The following TP63 variants were observed in gnomAD, a reference collection of about 807,000 sequenced individuals.
TP63 encodes tumor protein p63.
Under a neutral mutation model 82.8 loss-of-function variants are expected in TP63, and 17 were observed. That is an observed-to-expected ratio of 0.21 (90% CI 0.14 to 0.31). The LOEUF (loss-of-function observed/expected upper bound fraction) is 0.31, where lower values mean the gene tolerates loss of function less well. Among genes scored for constraint, TP63 ranks in the 10% least tolerant of loss-of-function variants. The pLI is 1.00. For missense variants in TP63, 648 were observed against 895.3 expected (o/e 0.72, Z 3.52); for synonymous variants, 330 against 321.7 (o/e 1.03, Z -0.28).
At chr3:189,691,999 A>C (rs1488018583) in intron 1 of TP63, among the ~76,000 whole-genome samples, 1 of 152,168 alleles carries the variant, frequency 6.6e-6, no homozygotes, top group Non-Finnish European at 1.5e-5. Context: ...TTTCTTTCTG[A>C]CACAATTCAA....
chr3:189,799,320 C>A (rs2108615311), intron 3 of TP63, among the ~76,000 whole-genome samples: 1 of 152,076 alleles, frequency 6.6e-6, no homozygotes. Context: ...AGGGAGGGAC[C>A]AATTTTGTGG....
chr3:189,848,964 A>G (rs749668288), intron 4 of TP63, among the ~76,000 whole-genome samples: 4 of 151,940 alleles, frequency 2.6e-5, no homozygotes, highest in Non-Finnish European at 5.9e-5. Context: ...AGTCAGCCCC[A>G]CCCCCCAGCC....
In TP63 at chr3:189,896,319, C is replaced by T. The variant is rs756328490; in HGVS notation, c.*1817C>T. The T allele has an allele frequency of 9.4e-6, 2 of 212,988 alleles. No individual in the cohort carries two copies. The highest frequency in any genetic ancestry group is 1.9e-5 in the Non-Finnish European group (2 of 105,350). The allele number at this position is 212,988 out of a possible 1,614,324, so 13.2% of individuals were successfully genotyped here. A position where few individuals can be genotyped will look rare whatever the true frequency, so the allele number is the denominator to read the frequency against. On this transcript the variant is annotated 3_prime_UTR_variant, in exon 14 of 14. Coordinates refer to ENST00000264731, the MANE Select transcript of TP63 (RefSeq NM_003722.5). ...TTTTCTTCTTGGGATAGTGGGATTTCCAGAACCACACTTGAAACCTTTTTT... is the reference window on the plus strand; with the variant it reads ...TTTTCTTCTTGGGATAGTGGGATTTTCAGAACCACACTTGAAACCTTTTTT...
chr3:189,631,157 C>G (rs1729436540), upstream of TP63: 1 of 865,488 alleles, frequency 1.2e-6, no homozygotes, highest in East Asian at 1.3e-4. Flanking sequence ...CGACAGAGAT[C>G]AGAAGTTCAG....
chr3:189,699,243 A>G (rs951249931), intron 1 of TP63, among the ~76,000 whole-genome samples: 1 of 152,192 alleles, frequency 6.6e-6, no homozygotes, highest in Non-Finnish European at 1.5e-5. Flanking sequence ...TGGAGAAACT[A>G]AAACAGAGAG....
At chr3:189,665,871 A>G (rs1375834993) in intron 1 of TP63, among the ~76,000 whole-genome samples, 2 of 152,194 alleles carry the variant, frequency 1.3e-5, no homozygotes, top group African/African-American at 4.8e-5. Context: ...TTTAATTTTA[A>G]GCATAACTTT....
intron 4 of TP63, among the ~76,000 whole-genome samples, chr3:189,860,816 T>C (rs1049588403): frequency 6.6e-6 from 1 of 152,162 alleles, no homozygotes; most frequent in African/African-American, 2.4e-5. Flanking sequence ...ATCACTTTTG[T>C]TGTTGTAGTT....
intron 4 of TP63, among the ~76,000 whole-genome samples, chr3:189,857,375 T>G (rs1370095816): frequency 6.6e-6 from 1 of 152,104 alleles, no homozygotes; most frequent in Non-Finnish European, 1.5e-5. Flanking sequence ...ATACAACAAT[T>G]GACTGAAAAT....
chr3:189,835,459 A>G (rs960735302), intron 4 of TP63, among the ~76,000 whole-genome samples: 5 of 152,180 alleles, frequency 3.3e-5, no homozygotes, highest in African/African-American at 1.2e-4. Flanking sequence ...AATGAATAGA[A>G]ATACTTACCA....
chr3:189,698,759 G>A (rs1717583573), intron 1 of TP63, among the ~76,000 whole-genome samples: 2 of 152,188 alleles, frequency 1.3e-5, no homozygotes, highest in East Asian at 3.9e-4. Context: ...GTAAATAAGA[G>A]CCTATTGATC....
intron 1 of TP63, among the ~76,000 whole-genome samples, chr3:189,655,208 G>T (rs9847400): frequency 0.33 from 50,744 of 152,058 alleles, 9,497 homozygotes; most frequent in Middle Eastern, 0.55. Context: ...AGACTTCTTG[G>T]TTAGCCCTAA....
intron 3 of TP63, among the ~76,000 whole-genome samples, chr3:189,775,324 GT>G (rs1454847814): frequency 1.3e-5 from 2 of 150,298 alleles, no homozygotes; most frequent in African/African-American, 4.9e-5. Context: ...GTGTTAACTT[GT>G]TTACATCTTC....
intron 3 of TP63, among the ~76,000 whole-genome samples, chr3:189,765,682 C>T (rs977316570): frequency 1.3e-5 from 2 of 151,684 alleles, no homozygotes; most frequent in Non-Finnish European, 2.9e-5. Context: ...ATCCGCCCAC[C>T]TCGGCCTCCC....
intron 13 of TP63, among the ~76,000 whole-genome samples, chr3:189,892,474 A>G (rs1343385421): frequency 1.3e-5 from 2 of 152,226 alleles, no homozygotes; most frequent in Non-Finnish European, 2.9e-5. Context: ...TCAAAAGTAT[A>G]AAGAATCCAA....
intron 3 of TP63, among the ~76,000 whole-genome samples, chr3:189,797,760 A>G (rs1047701979): frequency 4.6e-5 from 7 of 152,174 alleles, no homozygotes; most frequent in African/African-American, 1.2e-4. Flanking sequence ...TCAACAGACA[A>G]TCCCAAAATG....
intron 1 of TP63, among the ~76,000 whole-genome samples, chr3:189,684,619 GT>G (rs774455595): frequency 6.8e-6 from 1 of 146,310 alleles, no homozygotes; most frequent in Non-Finnish European, 1.5e-5. Context: ...CATTTCTTAT[GT>G]TTTCTTTCTT....
At chr3:189,768,872 G>T (rs1723134647) in intron 3 of TP63, among the ~76,000 whole-genome samples, 1 of 152,112 alleles carries the variant, frequency 6.6e-6, no homozygotes, top group South Asian at 2.1e-4. Flanking sequence ...CCTAGTAAAT[G>T]ACATTTACAA....
At chr3:189,644,912 CT>C (rs67262538) in intron 1 of TP63, among the ~76,000 whole-genome samples, 49,697 of 142,480 alleles carry the variant, frequency 0.35, 8,398 homozygotes, top group Non-Finnish European at 0.39. Flanking sequence ...ACCACATTTT[CT>C]TTTTTTTTTT....
intron 3 of TP63, among the ~76,000 whole-genome samples, chr3:189,790,584 T>TTA (rs1553840951): frequency 6.7e-6 from 1 of 148,468 alleles, no homozygotes; most frequent in Non-Finnish European, 1.5e-5. Flanking sequence ...TGCAAAGGGA[T>TTA]AAAAAAAAAA....
Sources: allele counts gnomAD v4.1 joint callset (sites outside exome capture counted in the v4.1 genomes callset), GRCh38; gene constraint gnomAD v4.1.1; transcripts MANE v1.5; gene names NCBI Gene and HGNC (gene_info 2026-07-23, HGNC 2026-07-21).